GRM8: variants seen among roughly 807,000 people sequenced by gnomAD.
GRM8 encodes the protein glutamate metabotropic receptor 8, also known as metabotropic glutamate receptor 8.
Under a neutral mutation model 87.2 loss-of-function variants are expected in GRM8, and 47 were observed. The observed-to-expected ratio is 0.54, with a 90% CI of 0.43 to 0.69. The LOEUF (loss-of-function observed/expected upper bound fraction) is 0.69, where lower values mean the gene tolerates loss of function less well. GRM8 is among the 30% of genes least tolerant of loss of function. The pLI is 0.00. For synonymous variants in GRM8, 396 were observed against 404.5 expected (o/e 0.98, Z 0.25); for missense variants, 1,019 against 1,139.2 (o/e 0.89, Z 1.52).
At chr7:126,792,392 A>C (rs555193285) in intron 6 of GRM8, among the ~76,000 whole-genome samples, 1 of 152,356 alleles carries the variant, frequency 6.6e-6, no homozygotes, top group Non-Finnish European at 1.5e-5. Flanking sequence ...TTAGAAAAGT[A>C]AATTCTCCAG....
chr7:126,687,110 G>C (rs941129101), intron 7 of GRM8, among the ~76,000 whole-genome samples: 5 of 152,156 alleles, frequency 3.3e-5, no homozygotes, highest in African/African-American at 1.2e-4. Context: ...CCACCACACA[G>C]GTCAGGAGAT....
intron 3 of GRM8, chr7:126,981,404 C>G (rs1811513399): frequency 6.6e-6 from 1 of 152,116 alleles, no homozygotes; most frequent in African/African-American, 2.4e-5. Context: ...TTATTTCTTA[C>G]AGTTTAAGGA....
In GRM8 at chr7:126,981,281, C is replaced by A. The variant is rs1313475641; in HGVS notation, c.728-76598G>T. 6 of 152,234 alleles carry A rather than the reference C, an allele frequency of 3.9e-5. No individual in the cohort carries two copies. The East Asian group carries it at 1.2e-3, about 29-fold the overall frequency. The allele number at this position is 152,234 out of a possible 1,614,324, so 9.4% of individuals were successfully genotyped here. ...CCTCACCATTGATTATGCCAAGAAC[C>A]CTGTCTGAAGCAACAAGTCTTCTCC... On this transcript the variant is annotated intron_variant, in intron 3 of 10. Transcript: ENST00000339582.
At chr7:126,561,643 T>C (rs1399825046) in intron 8 of GRM8, among the ~76,000 whole-genome samples, 1 of 151,852 alleles carries the variant, frequency 6.6e-6, no homozygotes, top group Non-Finnish European at 1.5e-5. Context: ...ATTATTATTA[T>C]ACTTTAAGTT....
chr7:126,629,611 A>T (rs1801055500), intron 7 of GRM8, among the ~76,000 whole-genome samples: 1 of 150,656 alleles, frequency 6.6e-6, no homozygotes, highest in Non-Finnish European at 1.5e-5. Flanking sequence ...AAATAAAAAA[A>T]ATATCAAACT....
chr7:126,911,337 C>G (rs1359692035), intron 3 of GRM8, among the ~76,000 whole-genome samples: 1 of 151,794 alleles, frequency 6.6e-6, no homozygotes, highest in African/African-American at 2.4e-5. Context: ...TCTCCCATCC[C>G]CCAGTTCCTA....
In GRM8 at chr7:127,015,061, GA is replaced by G. The variant is rs1563413414; in HGVS notation, c.727+91434del. Among the ~76,000 whole-genome samples the G allele has an allele frequency of 3.9e-4, 38 of 98,480 alleles. 1 individual carries two copies. The highest frequency in any genetic ancestry group is 1.0e-3 in the African/African-American group (30 of 29,402). 64.6% of individuals were successfully genotyped at this position (98,480 alleles called of 152,430 possible). A position where few individuals can be genotyped will look rare whatever the true frequency, so the allele number is the denominator to read the frequency against. On this transcript the variant is annotated intron_variant, in intron 3 of 10. Transcript: ENST00000339582. Reference sequence around the variant, plus strand: ...AGAAGAAGAAGAAGAAGAAGAAGAAGAAGAAGAAAGAAAGAAGGAGAAGAAG... The same window carrying G: ...AGAAGAAGAAGAAGAAGAAGAAGAAGAGAAGAAAGAAAGAAGGAGAAGAAG...
At chr7:127,066,322 A>G (rs1821105791) in intron 3 of GRM8, among the ~76,000 whole-genome samples, 1 of 152,204 alleles carries the variant, frequency 6.6e-6, no homozygotes, top group African/African-American at 2.4e-5. Flanking sequence ...TGTGTCACAG[A>G]ATAACTGATA....
At position 126,793,091 on chromosome 7, in the gene GRM8, G is replaced by C. The variant is rs1821541755; in HGVS notation, c.1157-23026C>G. On this transcript the variant is annotated intron_variant, in intron 6 of 10. Transcript: ENST00000339582. ...AGAGTTGGAAGAATGTGTTGAACAT[G>C]ATCATGCTGCTTGAAGATTTTTCAT... 2.0e-5 allele frequency among the ~76,000 whole-genome samples: 3 copies of C among 152,272 alleles called. No individual in the cohort carries two copies. In the South Asian group the frequency reaches 6.2e-4, roughly 32 times the overall value.
chr7:127,091,654 C>A (rs1824106063), intron 3 of GRM8, among the ~76,000 whole-genome samples: 2 of 132,502 alleles, frequency 1.5e-5, no homozygotes, highest in Non-Finnish European at 3.2e-5. Context: ...TTATGACCCA[C>A]CCCACCATCC....
chr7:126,939,402 A>G (rs1383711074), intron 3 of GRM8, among the ~76,000 whole-genome samples: 1 of 152,202 alleles, frequency 6.6e-6, no homozygotes, highest in Admixed American at 6.5e-5. Context: ...AAGTCTCCAC[A>G]TATCTTTGAG....
chr7:126,947,111 T>C (rs1486535346), intron 3 of GRM8, among the ~76,000 whole-genome samples: 1 of 152,232 alleles, frequency 6.6e-6, no homozygotes, highest in Non-Finnish European at 1.5e-5. Context: ...AAGTACCCTT[T>C]ATGAGGCTTC....
intron 7 of GRM8, among the ~76,000 whole-genome samples, chr7:126,729,036 C>T (rs1813310387): frequency 6.6e-6 from 1 of 151,586 alleles, no homozygotes; most frequent in Non-Finnish European, 1.5e-5. Flanking sequence ...CTCTTTTTCT[C>T]CTCACCCTGC....
At chr7:126,984,330 C>G (rs897211293) in intron 3 of GRM8, among the ~76,000 whole-genome samples, 2 of 152,108 alleles carry the variant, frequency 1.3e-5, no homozygotes, top group African/African-American at 4.8e-5. Context: ...AAGTATGGAT[C>G]CTGGGTGTGT....
At chr7:126,493,400 G>A (rs764770661) in intron 9 of GRM8, among the ~76,000 whole-genome samples, 14 of 152,000 alleles carry the variant, frequency 9.2e-5, no homozygotes, top group Non-Finnish European at 1.8e-4. Flanking sequence ...GTTCTGGCTC[G>A]AAGAAATTGA....
At chr7:126,577,057 T>C (rs1795181606) in intron 8 of GRM8, among the ~76,000 whole-genome samples, 1 of 152,222 alleles carries the variant, frequency 6.6e-6, no homozygotes. Context: ...TGGGAAATTT[T>C]ATCCATAACT....
At chr7:126,542,376 C>T (rs1816643060) in intron 8 of GRM8, among the ~76,000 whole-genome samples, 1 of 152,128 alleles carries the variant, frequency 6.6e-6, no homozygotes, top group Non-Finnish European at 1.5e-5. Context: ...GTCCAGGGAA[C>T]AGAAAGTCAA....
chr7:127,220,308 G>C (rs929092662), intron 2 of GRM8, among the ~76,000 whole-genome samples: 1 of 152,072 alleles, frequency 6.6e-6, no homozygotes, highest in African/African-American at 2.4e-5. Flanking sequence ...AAAAGCTGCA[G>C]TAAAAGAACT....
chr7:126,526,668 C>T (rs7798942), intron 9 of GRM8, among the ~76,000 whole-genome samples: 2,131 of 152,232 alleles, frequency 0.014, 36 homozygotes, highest in Middle Eastern at 0.054. Context: ...ATGGCTTCCC[C>T]CAAAAGAATT....
Sources: allele counts gnomAD v4.1 joint callset (sites outside exome capture counted in the v4.1 genomes callset), GRCh38; gene constraint gnomAD v4.1.1; transcripts MANE v1.5; gene names NCBI Gene and HGNC (gene_info 2026-07-23, HGNC 2026-07-21).